COPB1: variants seen among roughly 807,000 people sequenced by gnomAD.
COPB1 encodes the protein coat protein complex I subunit beta 1.
COPB1 carries 21 observed loss-of-function variants against 108.7 expected under a neutral mutation model. The observed-to-expected ratio is 0.19, with a 90% CI of 0.14 to 0.28. The LOEUF (loss-of-function observed/expected upper bound fraction) is 0.28, where lower values mean the gene tolerates loss of function less well. Among genes scored for constraint, COPB1 ranks in the 10% least tolerant of loss-of-function variants. The pLI, the probability that COPB1 is intolerant of heterozygous loss-of-function variation, is 1.00. For missense variants in COPB1, 919 were observed against 1,141.3 expected, an observed-to-expected ratio of 0.81 and a Z score of 2.81; for synonymous variants, 378 against 386.8, an observed-to-expected ratio of 0.98 and a Z score of 0.27.
chr11:14,476,017 T>A (rs1850512982), intron 12 of COPB1, 72 bp from the exon 13 acceptor site: 1 of 1,356,086 alleles, frequency 7.4e-7, no homozygotes, highest in Non-Finnish European at 9.9e-7. Context: ...AAATATTTGA[T>A]TGTTTCTCTA....
chr11:14,497,756 C>T (rs1320042408), intron 2 of COPB1, among the ~76,000 whole-genome samples: 2 of 152,180 alleles, frequency 1.3e-5, no homozygotes, highest in African/African-American at 4.8e-5. Context: ...TTTGTTGCAG[C>T]ACTGTTTACA....
chr11:14,464,405 C>A (rs1477156149), intron 18 of COPB1, among the ~76,000 whole-genome samples: 2 of 152,176 alleles, frequency 1.3e-5, no homozygotes, highest in Non-Finnish European at 2.9e-5. Flanking sequence ...CAACCATAAT[C>A]TATCATTTGT....
intron 20 of COPB1, 133 bp from the exon 21 acceptor site, chr11:14,458,820 AGTG>A: frequency 2.6e-6 from 2 of 775,758 alleles, no homozygotes; most frequent in Non-Finnish European, 3.8e-6. Context: ...TTGGAGCTGG[AGTG>A]CAGTGGCGTG....
At position 14,465,048 on chromosome 11, in the gene COPB1, G is replaced by C; in HGVS notation, c.2291-18C>G. ...CAGATCCCCTGAAAGAAAGAGTTTGGATATGGTTAAAAATACACACACACA... is the reference window on the plus strand; with the variant it reads ...CAGATCCCCTGAAAGAAAGAGTTTGCATATGGTTAAAAATACACACACACA... On this transcript the variant is annotated intron_variant, in intron 17 of 21. Transcript: ENST00000439561. 6.9e-7 allele frequency: 1 copy of C among 1,452,670 alleles called. No homozygotes were observed. Among genetic ancestry groups the C allele is most frequent in the South Asian group, 1.2e-5 (1 of 86,104 alleles). The allele number at this position is 1,452,670 out of a possible 1,614,324, so 90.0% of individuals were successfully genotyped here. A position where few individuals can be genotyped will look rare whatever the true frequency, so the allele number is the denominator to read the frequency against.
In COPB1 at chr11:14,479,671, T is replaced by C. The variant is rs768941901; in HGVS notation, c.1256A>G (p.Asp419Gly). ...GGCTTCACGAACAAACTCCAAGACATCAGCAGCTGCTGCTTCGTTGTTGTC... is the reference window on the plus strand; with the variant it reads ...GGCTTCACGAACAAACTCCAAGACACCAGCAGCTGCTGCTTCGTTGTTGTC... ...LSDNNEAAAA[D>G]VLEFVREAIQ... The change falls in exon 11 of 22, where the codon GAT becomes GGT. Residue 419 changes from aspartate (D) to glycine (G), a missense_variant. Physicochemically the swap from Asp to Gly is moderately conservative, Grantham distance 94. This residue lies in a region of COPB1 where 705 missense variants were observed against 817.8 expected (regional missense o/e 0.86). Transcript: ENST00000439561. 6.2e-7 allele frequency: 1 copy of C among 1,607,116 alleles called. No homozygotes were observed. Among genetic ancestry groups the C allele is most frequent in the Non-Finnish European group, 8.5e-7 (1 of 1,177,832 alleles).
chr11:14,466,213 C>A, intron 17 of COPB1, 69 bp downstream of exon 17: 2 of 1,417,020 alleles, frequency 1.4e-6, no homozygotes, highest in South Asian at 1.4e-5. Flanking sequence ...GAAACCTGTG[C>A]ACCTCCCTTA....
rs11023239 is a variant in COPB1, at chr11:14,499,003, G to A, written c.-57-18C>T. ...CAGAAAATCTAGAAAAATAAACACA[G>A]ACATATCATTACAAATTAAAAAAAA... On this transcript the variant is annotated intron_variant, in intron 1 of 21. Transcript: ENST00000439561. 0.05 allele frequency: 56,418 copies of A among 1,123,068 alleles called. 1,784 individuals carry two copies. Among genetic ancestry groups the A allele is most frequent in the Middle Eastern group, 0.096 (352 of 3,682 alleles). 69.6% of individuals were successfully genotyped at this position (1,123,068 alleles called of 1,614,324 possible). A position where few individuals can be genotyped will look rare whatever the true frequency, so the allele number is the denominator to read the frequency against.
In COPB1 at chr11:14,475,775, C is replaced by T. The variant is rs371716489; in HGVS notation, c.1616+10G>A. The T allele has an allele frequency of 6.5e-7, 1 of 1,544,126 alleles. No homozygotes were observed. Among genetic ancestry groups the T allele is most frequent in the African/African-American group, 1.4e-5 (1 of 71,372 alleles). On this transcript the variant is annotated intron_variant, in intron 13 of 21. Coordinates refer to ENST00000439561, the MANE Select transcript of COPB1 (RefSeq NM_001144061.2). ...AGTACAGCTGGCAGGGTATATGTGCCATAAATTACCTGTCTTCCTCTTTCT... is the reference window on the plus strand; with the variant it reads ...AGTACAGCTGGCAGGGTATATGTGCTATAAATTACCTGTCTTCCTCTTTCT...
At chr11:14,479,049 ATTAATATATT>A in intron 11 of COPB1, 1 of 150,522 alleles carries the variant, frequency 6.6e-6, no homozygotes, top group Non-Finnish European at 1.5e-5. Flanking sequence ...TTCCATAAAT[ATTAATATATT>A]TTCATATCAT....
intron 21 of COPB1, among the ~76,000 whole-genome samples, chr11:14,458,203 C>G (rs1239711289): frequency 1.3e-5 from 2 of 151,454 alleles, no homozygotes. Flanking sequence ...CCTCAGCCTC[C>G]CGAGTAGCTG....
chr11:14,467,048 A>G (rs1850297001), intron 16 of COPB1, among the ~76,000 whole-genome samples: 1 of 152,162 alleles, frequency 6.6e-6, no homozygotes, highest in Non-Finnish European at 1.5e-5. Context: ...AATAGATTAA[A>G]CATCAAAATT....
At chr11:14,475,059 A>G (rs965960797) in intron 13 of COPB1, among the ~76,000 whole-genome samples, 1 of 134,378 alleles carries the variant, frequency 7.4e-6, no homozygotes, top group Non-Finnish European at 1.5e-5. Flanking sequence ...GCGCCACTGC[A>G]CTCTAGCGTG....
intron 4 of COPB1, 61 bp downstream of exon 4, chr11:14,493,581 C>A: frequency 2.2e-6 from 3 of 1,378,108 alleles, no homozygotes; most frequent in Non-Finnish European, 1.9e-6. Context: ...ACTTTGGAAC[C>A]ACTAGTCTAA....
At chr11:14,466,023 T>G (rs562887327) in intron 17 of COPB1, among the ~76,000 whole-genome samples, 1 of 152,186 alleles carries the variant, frequency 6.6e-6, no homozygotes. Flanking sequence ...GTATTATAAC[T>G]AGAAATACTG....
At position 14,464,941 on chromosome 11, in the gene COPB1, T is replaced by C. The variant is rs777097529; in HGVS notation, c.2380A>G (p.Thr794Ala). ...TTACCAAAAATTATTCCATTTTCTGTTGATGCTACTTTGACGTTAGCTTTA... is the reference window on the plus strand; with the variant it reads ...TTACCAAAAATTATTCCATTTTCTGCTGATGCTACTTTGACGTTAGCTTTA... ...NIKANVKVAS[T>A]ENGIIFGNIV... Residue 794 changes from threonine (T) to alanine (A), a missense_variant, in exon 18 of 22, where the codon ACA becomes GCA. Physicochemically the swap from Thr to Ala is moderately conservative, Grantham distance 58 (BLOSUM62 0). Transcript: ENST00000439561. 6.2e-7 allele frequency: 1 copy of C among 1,613,538 alleles called. No individual in the cohort carries two copies.
intron 2 of COPB1, 21 bp downstream of exon 2, chr11:14,498,817 C>T: frequency 6.5e-7 from 1 of 1,537,492 alleles, no homozygotes; most frequent in Non-Finnish European, 8.8e-7. Flanking sequence ...ATTTCATTCT[C>T]AAAATAATAT....
In COPB1 at chr11:14,466,268, G is replaced by T. The variant is rs749690984; in HGVS notation, c.2290+14C>A. ...TATGTGACAATCTCTTTCCTGAATG[G>T]TAAGTTTCCTCACCTAGTGTAGCTA... On this transcript the variant is annotated intron_variant, in intron 17 of 21. Transcript: ENST00000439561. 2 of 1,611,452 alleles carry T rather than the reference G, an allele frequency of 1.2e-6. No homozygotes were observed. Among genetic ancestry groups the T allele is most frequent in the African/African-American group, 1.3e-5 (1 of 74,858 alleles).
chr11:14,491,281 C>T (rs1210541213), intron 4 of COPB1, among the ~76,000 whole-genome samples: 1 of 152,134 alleles, frequency 6.6e-6, no homozygotes, highest in Middle Eastern at 3.2e-3. Flanking sequence ...TTCCTGACCT[C>T]GAGTGATCCA....
chr11:14,467,587 T>C (rs928122459), intron 16 of COPB1, among the ~76,000 whole-genome samples: 1 of 152,214 alleles, frequency 6.6e-6, no homozygotes, highest in African/African-American at 2.4e-5. Flanking sequence ...TATTTGTACA[T>C]CTGTGTTAAC....
Sources: allele counts gnomAD v4.1 joint callset (sites outside exome capture counted in the v4.1 genomes callset), GRCh38; gene constraint gnomAD v4.1.1; regional missense constraint gnomAD v4.1.1; transcripts MANE v1.5; gene names NCBI Gene and HGNC (gene_info 2026-07-23, HGNC 2026-07-21).